PKD1: variants seen among roughly 807,000 people sequenced by gnomAD.
The protein encoded by PKD1 is polycystin 1, transient receptor potential channel interacting.
A neutral mutation model predicts 361.7 loss-of-function variants in PKD1; 81 were observed. That is an observed-to-expected ratio of 0.22 (90% confidence interval 0.19 to 0.27). PKD1 has a LOEUF of 0.27. PKD1 is among the 10% of genes least tolerant of loss of function. PKD1 has a pLI of 1.00. For synonymous variants in PKD1, 3,615 were observed against 2,818.3 expected (o/e 1.28, Z -8.95); for missense variants, 6,399 against 6,118.3 (o/e 1.05, Z -1.53).
rs548663048 is a variant in PKD1 at position 2,106,164 on chromosome 16, T to C, written c.7630A>G (p.Arg2544Gly). The C allele has an allele frequency of 5.0e-6, 8 of 1,608,746 alleles. No individual in the cohort carries two copies. Among genetic ancestry groups the C allele is most frequent in the East Asian group, 2.2e-5 (1 of 44,820 alleles). ...SYGAVLPPGF[R>G]PHFEVGLAVV... is the part of the protein sequence containing the mutation. ...GCCAGGCCCACCTCGAAGTGTGGCC[T>C]GAAACCCGGGGGCAGCACGGCTCCG... is the stretch of plus-strand genomic sequence containing the variant. The change falls in exon 19 of 46, where the codon AGG (arginine) becomes GGG (glycine). Residue 2544 changes from arginine (R) to glycine (G), a missense_variant. Coordinates refer to ENST00000262304, the MANE Select transcript of PKD1 (RefSeq NM_001009944.3). The surrounding 1 kb of genome is among the most constrained non-coding windows in gnomAD (Gnocchi z 6.5).
Position 2,134,582 on chromosome 16 carries a change from T to G in PKD1, c.215+893A>C, listed in dbSNP as rs566386962. On this transcript the variant is annotated intron_variant, in intron 1 of 45. Transcript: ENST00000262304. Reference sequence around the variant, plus strand: ...CCAACCCTGGGTCCTGGGCACCTCATAGTTCCAAACCCCTGCTATGCACAT... The same window carrying G: ...CCAACCCTGGGTCCTGGGCACCTCAGAGTTCCAAACCCCTGCTATGCACAT... Among the ~76,000 whole-genome samples, 1,292 of 151,360 alleles carry G rather than the reference T, an allele frequency of 8.5e-3. 17 individuals carry two copies. The highest frequency in any genetic ancestry group is 0.03 in the African/African-American group (1,209 of 40,860).
chr16:2,108,900 A>G lies in PKD1; in HGVS notation c.6267T>C (p.Arg2089=). Reference sequence around the variant, plus strand: ...CCCCAAAGTCCCAGTGGTAGGCCACACGCCGGGGGCTGGGGCTGGTGGCGG... The same window carrying G: ...CCCCAAAGTCCCAGTGGTAGGCCACGCGCCGGGGGCTGGGGCTGGTGGCGG... ...FEAATSPSPR[R]VAYHWDFGDG... is the part of the protein sequence containing the mutation. Residue 2089 remains arginine, a synonymous_variant, in exon 15 of 46, where the codon CGT becomes CGC. Coordinates refer to ENST00000262304, the MANE Select transcript of PKD1 (RefSeq NM_001009944.3). 1.9e-6 allele frequency: 3 copies of G among 1,582,516 alleles called. No individual in the cohort carries two copies. Among genetic ancestry groups the G allele is most frequent in the East Asian group, 2.3e-5 (1 of 42,924 alleles).
At chr16:2,092,449 T>G in intron 39 of PKD1, 31 bp downstream of exon 39, 1 of 1,425,778 alleles carries the variant, frequency 7.0e-7, no homozygotes, top group Non-Finnish European at 9.9e-7. Context: ...GAGGAACGAT[T>G]TAAGTCTTGG....
At position 2,111,525 on chromosome 16, in the gene PKD1, T is replaced by A; in HGVS notation, c.3642A>T (p.Gly1214=). 1.2e-6 allele frequency: 2 copies of A among 1,606,518 alleles called. No homozygotes were observed. The highest frequency in any genetic ancestry group is 1.7e-6 in the Non-Finnish European group (2 of 1,177,354). The change falls in exon 15 of 46, where the codon GGA becomes GGT. Residue 1214 remains glycine (G), a synonymous_variant. Transcript: ENST00000262304. ...ADVRVFEELR[G]LSVDMSLAVE... is the part of the protein sequence containing the mutation. ...CGGCCAGGCTCATGTCCACGCTGAG[T>A]CCGCGGAGCTCCTCAAAGACGCGCA...
In PKD1 at chr16:2,100,280, C is replaced by G; in HGVS notation, c.9598G>C (p.Val3200Leu). 6.2e-7 allele frequency: 1 copy of G among 1,610,784 alleles called. No homozygotes were observed. The highest frequency in any genetic ancestry group is 1.3e-5 in the African/African-American group (1 of 74,968). Residue 3200 changes from valine (V) to leucine (L), a missense_variant, in exon 28 of 46, where the codon GTC becomes CTC. Coordinates refer to ENST00000262304, the MANE Select transcript of PKD1 (RefSeq NM_001009944.3). The surrounding 1 kb of genome is among the most constrained non-coding windows in gnomAD (Gnocchi z 4.4). ...GLSPAWFLQH[V>L]IVRDLQTARS... ...GCCGTCTGCAGGTCCCTGACGATGA[C>G]GTGCTGCAGGAACCAGGCAGGGCTG...
chr16:2,105,078 C>T (rs2092290461), intron 21 of PKD1, among the ~76,000 whole-genome samples: 1 of 125,910 alleles, frequency 7.9e-6, no homozygotes, highest in African/African-American at 3.0e-5. Flanking sequence ...GCAGCATCTT[C>T]TTAGTCCCTC....
intron 34 of PKD1, chr16:2,095,257 A>C (rs2151715695): frequency 6.6e-6 from 1 of 152,270 alleles, no homozygotes; most frequent in African/African-American, 2.4e-5. Flanking sequence ...AAACACACAC[A>C]CAAAAAATTA....
rs1208513102 is a variant in PKD1, at chr16:2,110,018, G to A, written c.5149C>T (p.Pro1717Ser). 1.9e-6 allele frequency: 3 copies of A among 1,610,348 alleles called. No individual in the cohort carries two copies. Among genetic ancestry groups the A allele is most frequent in the Non-Finnish European group, 2.5e-6 (3 of 1,179,662 alleles). The change falls in exon 15 of 46, where the codon CCT becomes TCT. Residue 1717 changes from proline (P) to serine (S), a missense_variant. By Grantham distance (74) the Pro-to-Ser change is moderately conservative. Coordinates refer to ENST00000262304, the MANE Select transcript of PKD1 (RefSeq NM_001009944.3). ...WADCTMDFVE[P>S]VGWLMVAASP... ...GCGGCCACCATCAGCCACCCCACAG[G>A]CTCCACGAAGTCCATGGTGCAGTCG...
At chr16:2,104,174 CAGGGGGAAAGGGAGGGGA>C (rs1450596588) in intron 22 of PKD1, among the ~76,000 whole-genome samples, 1 of 14,652 alleles carries the variant, frequency 6.8e-5, no homozygotes, top group Non-Finnish European at 1.1e-4. Flanking sequence ...AGAAGAGGAG[CAGGGGGAAAGGGAGGGGA>C]AGGGGGATAA....
Position 2,102,548 on chromosome 16 carries a change from T to C in PKD1, c.9034A>G (p.Thr3012Ala), listed in dbSNP as rs767541153. Residue 3012 changes from threonine to alanine, a missense_variant, in exon 25 of 46, where the codon ACG becomes GCG. Coordinates refer to ENST00000262304, the MANE Select transcript of PKD1 (RefSeq NM_001009944.3). The stretch of plus-strand genomic sequence containing the variant: ...TCGCTGAAGTACTGGCACAGGGACG[T>C]GTACAGGCCCACGGACACCTGCAGC... ...SALQVSVGLY[T>A]SLCQYFSEED... is the part of the protein sequence containing the mutation. 18 of 1,610,714 alleles carry C rather than the reference T, an allele frequency of 1.1e-5. No individual in the cohort carries two copies. Among genetic ancestry groups the C allele is most frequent in the Middle Eastern group, 2.1e-4 (1 of 4,704 alleles).
In PKD1 at chr16:2,091,229, C is replaced by A; in HGVS notation, c.11713-55G>T. ...GGGACGCTGCCGGGGCGGGGCCCTG[C>A]GAGGGGGCGGGACGCTGCCGGGGCG... On this transcript the variant is annotated intron_variant, in intron 42 of 45. Coordinates refer to ENST00000262304, the MANE Select transcript of PKD1 (RefSeq NM_001009944.3). 3.6e-6 allele frequency: 3 copies of A among 835,088 alleles called. No individual in the cohort carries two copies. The South Asian group carries it at 9.5e-5, about 26-fold the overall frequency. The allele number at this position is 835,088 out of a possible 1,614,324, so 51.7% of individuals were successfully genotyped here.
chr16:2,101,519 G>A (rs572982714), intron 26 of PKD1, among the ~76,000 whole-genome samples: 69 of 152,128 alleles, frequency 4.5e-4, no homozygotes, highest in Non-Finnish European at 9.0e-4. Flanking sequence ...CAGGAGAATC[G>A]CTTAAGGGGA....
chr16:2,108,404 G>A lies in PKD1; in HGVS notation c.6763C>T (p.Arg2255Cys), dbSNP rs199803853. 6.1e-5 allele frequency: 98 copies of A among 1,610,438 alleles called. No individual in the cohort carries two copies. The highest frequency in any genetic ancestry group is 7.8e-5 in the Non-Finnish European group (92 of 1,179,736). The change falls in exon 15 of 46, where the codon CGC becomes TGC. Residue 2255 changes from arginine (R) to cysteine (C), a missense_variant. Coordinates refer to ENST00000262304, the MANE Select transcript of PKD1 (RefSeq NM_001009944.3). ...CCACCCTCAATGATGGGCACCAGGC[G>A]CTCGGGGGCCACCGTCACATTGGCC... The part of the protein sequence containing the change: ...IQANVTVAPE[R>C]LVPIIEGGSY...
chr16:2,096,274 C>G (rs1198347442), intron 34 of PKD1, among the ~76,000 whole-genome samples: 1 of 152,258 alleles, frequency 6.6e-6, no homozygotes, highest in Non-Finnish European at 1.5e-5. Flanking sequence ...GGGCACCGCA[C>G]CTGCACTGCA....
At chr16:2,126,145 C>G in intron 1 of PKD1, among the ~76,000 whole-genome samples, 1 of 152,210 alleles carries the variant, frequency 6.6e-6, no homozygotes, top group East Asian at 1.9e-4. Flanking sequence ...AATGATGGTA[C>G]GAGCCATCCT....
rs148478410 is a variant in PKD1 at position 2,090,293 on chromosome 16, C to T, written c.12436G>A (p.Val4146Ile). The stretch of plus-strand genomic sequence containing the variant: ...CACTGGGCCGTACCCACCTCCTTGA[C>T]CTTGCTGAGGCCCATCCAGAGGCGC... ...RLRLWMGLSK[V>I]KEFRHKVRFE... Residue 4146 changes from valine (V) to isoleucine (I), a missense_variant, in exon 45 of 46, where the codon GTC becomes ATC. Physicochemically the swap from Val to Ile is conservative, Grantham distance 29 (BLOSUM62 3). Transcript: ENST00000262304. 6,093 of 1,609,992 alleles carry T rather than the reference C, an allele frequency of 3.8e-3. 31 individuals are homozygous for T. Among genetic ancestry groups the T allele is most frequent in the Middle Eastern group, 0.017 (101 of 6,054 alleles).
rs1261036260 is a variant in PKD1 at position 2,090,635 on chromosome 16, C to T, written c.12138+39G>A. The T allele has an allele frequency of 3.1e-6, 5 of 1,609,888 alleles. No homozygotes were observed. The East Asian group carries it at 6.7e-5, about 22-fold the overall frequency. On this transcript the variant is annotated intron_variant, in intron 44 of 45. Coordinates refer to ENST00000262304, the MANE Select transcript of PKD1 (RefSeq NM_001009944.3). ...AGTGAGGGCGTACAGCTGAGCTGAG[C>T]TGAGCTAAGACGCCCTCCCCGGCCG...
Position 2,109,630 on chromosome 16 carries a change from C to T in PKD1, c.5537G>A (p.Ser1846Asn). ...CATGGTGACATGAGGGCCACGCTTG[C>T]TGCTGCCGCCGGGCACAGCCCAGCA... ...SWCWAVPGGS[S>N]KRGPHVTMVF... The change falls in exon 15 of 46, where the codon AGC (serine) becomes AAC (asparagine). Residue 1846 changes from serine (S) to asparagine (N), a missense_variant. By Grantham distance (46) the Ser-to-Asn change is conservative (BLOSUM62 1). Coordinates refer to ENST00000262304, the MANE Select transcript of PKD1 (RefSeq NM_001009944.3). 1.2e-6 allele frequency: 2 copies of T among 1,603,620 alleles called. No homozygotes were observed.
In PKD1 at chr16:2,093,021, G is replaced by A. The variant is rs571388631; in HGVS notation, c.11089C>T (p.His3697Tyr). 1.9e-6 allele frequency: 3 copies of A among 1,612,922 alleles called. No homozygotes were observed. Among genetic ancestry groups the A allele is most frequent in the East Asian group, 2.2e-5 (1 of 44,878 alleles). ...ASYGDASCHG[H>Y]AYRLQSAIKQ... ...ATGGCGCTTTGCAGACGGTAGGCGT[G>A]CCCATGGCATGAGGCATCCCCATAG... The change falls in exon 38 of 46, where the codon CAC becomes TAC. Residue 3697 changes from histidine (H) to tyrosine (Y), a missense_variant. His to Tyr is a moderately conservative substitution (Grantham distance 83, BLOSUM62 2). Transcript: ENST00000262304.
Sources: gnomAD v4.1 joint callset for allele counts (sites outside exome capture counted in the v4.1 genomes callset) on GRCh38, gnomAD v4.1.1 for gene constraint, Gnocchi (gnomAD v3.1) non-coding constraint, MANE v1.5 for transcripts, NCBI Gene and HGNC (gene_info 2026-07-23, HGNC 2026-07-21) for gene names.